The following LRMDA variants were observed in gnomAD, a reference collection of about 807,000 sequenced individuals.
LRMDA encodes leucine-rich melanocyte differentiation-associated protein.
In LRMDA, 18 loss-of-function variants were observed where a neutral mutation model predicts 29.8. That is an observed-to-expected ratio of 0.60 (90% CI 0.42 to 0.90). The LOEUF (loss-of-function observed/expected upper bound fraction) is 0.90. Ranked by LOEUF, LRMDA falls within the 40% of genes least tolerant of loss-of-function variation. LRMDA has a pLI of 0.00. For synonymous variants in LRMDA, 125 were observed against 109.4 expected, an observed-to-expected ratio of 1.14 and a Z score of -0.89; for missense variants, 273 against 273.9, an observed-to-expected ratio of 1.00 and a Z score of 0.02.
intron 6 of LRMDA, among the ~76,000 whole-genome samples, chr10:76,395,555 C>G (rs1029391549): frequency 6.6e-6 from 1 of 152,208 alleles, no homozygotes; most frequent in Admixed American, 6.5e-5. Context: ...TGAACCCATT[C>G]CCAAAAGTGC....
rs557029960 is a variant in LRMDA, at chr10:75,998,362, C to T, written c.132-37646C>T. ...ACGCAGTGGGCACCTAATAAGTAAT[C>T]GATGGTGTGGCCTCATCACCTGGCC... On this transcript the variant is annotated intron_variant, in intron 2 of 6. Coordinates refer to ENST00000611255, the MANE Select transcript of LRMDA (RefSeq NM_001305581.2). 1.1e-4 allele frequency among the ~76,000 whole-genome samples: 17 copies of T among 152,264 alleles called. No homozygotes were observed. The East Asian group carries it at 1.7e-3, about 16-fold the overall frequency.
At chr10:76,537,754 A>G (rs1278984955) in intron 6 of LRMDA, among the ~76,000 whole-genome samples, 3 of 152,134 alleles carry the variant, frequency 2.0e-5, no homozygotes, top group Non-Finnish European at 4.4e-5. Context: ...TTGCCATGTC[A>G]CATAACGTAT....
intron 6 of LRMDA, among the ~76,000 whole-genome samples, chr10:76,470,831 A>G (rs1842610192): frequency 6.6e-6 from 1 of 151,762 alleles, no homozygotes. Context: ...GAAAATAAAA[A>G]TATTCTGGAA....
chr10:76,075,067 A>G (rs776195660), intron 5 of LRMDA, among the ~76,000 whole-genome samples: 2 of 152,152 alleles, frequency 1.3e-5, no homozygotes, highest in Non-Finnish European at 2.9e-5. Flanking sequence ...GGCACACATC[A>G]CTTCTGCCCA....
chr10:75,625,678 A>G lies in LRMDA; in HGVS notation c.131+187184A>G, dbSNP rs149326747. ...TTCTAGGCTTAAAAATAACACAAATATCTGCTCATTCTCCTTTCTGTAAAA... is the reference window on the plus strand; with the variant it reads ...TTCTAGGCTTAAAAATAACACAAATGTCTGCTCATTCTCCTTTCTGTAAAA... On this transcript the variant is annotated intron_variant, in intron 2 of 6. Transcript: ENST00000611255. Among the ~76,000 whole-genome samples, 322 of 152,280 alleles carry G rather than the reference A, an allele frequency of 2.1e-3. 6 individuals are homozygous for G. Among genetic ancestry groups the G allele is most frequent in the East Asian group, 7.0e-3 (36 of 5,178 alleles).
chr10:75,603,009 CG>C (rs1389456792), intron 2 of LRMDA, among the ~76,000 whole-genome samples: 2 of 152,086 alleles, frequency 1.3e-5, no homozygotes, highest in Non-Finnish European at 2.9e-5. Context: ...AGAACCTGTC[CG>C]CCCTGCTATT....
chr10:76,422,893 A>T (rs1043158862), intron 6 of LRMDA, among the ~76,000 whole-genome samples: 1 of 152,228 alleles, frequency 6.6e-6, no homozygotes, highest in Admixed American at 6.5e-5. Flanking sequence ...TTACTTCCTC[A>T]TGAAAAAAGA....
At chr10:75,788,437 A>G (rs563002163) in intron 2 of LRMDA, among the ~76,000 whole-genome samples, 1 of 152,308 alleles carries the variant, frequency 6.6e-6, no homozygotes, top group African/African-American at 2.4e-5. Flanking sequence ...GAAGAAGGGG[A>G]GAGGAAAAGA....
rs189874906 is a variant in LRMDA at position 76,132,637 on chromosome 10, G to A, written c.516+73854G>A. 3.9e-5 allele frequency among the ~76,000 whole-genome samples: 6 copies of A among 152,290 alleles called. No individual in the cohort carries two copies. The East Asian group carries it at 9.7e-4, about 25-fold the overall frequency. ...GCAAAGATTTCTGCAGACTGGGAAA[G>A]TTTTGTGGGAGCGTGTATGTTTACA... On this transcript the variant is annotated intron_variant, in intron 5 of 6. Transcript: ENST00000611255.
At chr10:75,987,614 G>A (rs1204097614) in intron 2 of LRMDA, among the ~76,000 whole-genome samples, 1 of 152,210 alleles carries the variant, frequency 6.6e-6, no homozygotes, top group African/African-American at 2.4e-5. Context: ...TGCCATAAGA[G>A]CTGGGCACCT....
intron 2 of LRMDA, among the ~76,000 whole-genome samples, chr10:75,973,004 A>G (rs1014175653): frequency 2.0e-5 from 3 of 146,822 alleles, no homozygotes; most frequent in South Asian, 4.3e-4. Context: ...TCCTTTCAGG[A>G]CAAAACCACT....
chr10:76,365,107 T>TATATATACACAC (rs141131236), intron 6 of LRMDA, among the ~76,000 whole-genome samples: 6,331 of 61,320 alleles, frequency 0.1, 475 homozygotes, highest in East Asian at 0.17. Context: ...TATATATATA[T>TATATATACACAC]ACACACACAC....
At chr10:76,396,424 C>T (rs1841784853) in intron 6 of LRMDA, 1 of 152,196 alleles carries the variant, frequency 6.6e-6, no homozygotes, top group South Asian at 2.1e-4. Flanking sequence ...ATTCTTTCAG[C>T]TATAGCCACT....
chr10:76,274,738 G>T (rs77168813), intron 5 of LRMDA, among the ~76,000 whole-genome samples: 1 of 152,130 alleles, frequency 6.6e-6, no homozygotes, highest in African/African-American at 2.4e-5. Flanking sequence ...GAAAAAGAGA[G>T]TATATGTGTT....
At chr10:75,560,098 C>T (rs370388014) in intron 2 of LRMDA, among the ~76,000 whole-genome samples, 2 of 151,714 alleles carry the variant, frequency 1.3e-5, no homozygotes, top group East Asian at 3.9e-4. Flanking sequence ...ATGTGGATGG[C>T]ATTGAATCTA....
At chr10:75,695,282 T>C (rs1339830649) in intron 2 of LRMDA, among the ~76,000 whole-genome samples, 2 of 152,172 alleles carry the variant, frequency 1.3e-5, no homozygotes, top group African/African-American at 4.8e-5. Flanking sequence ...TTAACACCAT[T>C]TCCCCAAAAG....
rs572937288 is a variant in LRMDA, at chr10:75,803,585, C to T, written c.132-232423C>T. 9.8e-5 allele frequency among the ~76,000 whole-genome samples: 15 copies of T among 152,338 alleles called. No individual in the cohort carries two copies. In the South Asian group the frequency reaches 3.1e-3, roughly 32 times the overall value. On this transcript the variant is annotated intron_variant, in intron 2 of 6. Transcript: ENST00000611255. Reference sequence around the variant, plus strand: ...TAACCTCTCTGTGTTTCAGTTTCCTCACCTGTGAGATGGGTTAGTAATGCT... The same window carrying T: ...TAACCTCTCTGTGTTTCAGTTTCCTTACCTGTGAGATGGGTTAGTAATGCT...
intron 2 of LRMDA, among the ~76,000 whole-genome samples, chr10:75,920,417 A>C (rs896475117): frequency 4.6e-5 from 7 of 152,238 alleles, no homozygotes; most frequent in African/African-American, 1.4e-4. Context: ...AGAAGGCCAG[A>C]TGTTTCACAA....
intron 2 of LRMDA, among the ~76,000 whole-genome samples, chr10:76,027,328 C>G (rs1848078859): frequency 6.6e-6 from 1 of 152,130 alleles, no homozygotes; most frequent in South Asian, 2.1e-4. Flanking sequence ...TCTAAAGCTT[C>G]TACATGTTAT....
Sources: allele counts gnomAD v4.1 joint callset (sites outside exome capture counted in the v4.1 genomes callset), GRCh38; gene constraint gnomAD v4.1.1; transcripts MANE v1.5; gene names NCBI Gene and HGNC (gene_info 2026-07-23, HGNC 2026-07-21).